Variants in INSC observed in about 807,000 individuals in gnomAD.
The protein encoded by INSC is INSC spindle orientation adaptor protein.
A neutral mutation model predicts 58.6 loss-of-function variants in INSC; 67 were observed. That is an observed-to-expected ratio of 1.14 (90% CI 0.94 to 1.40). The LOEUF is 1.40. INSC is among the 40% of genes most tolerant of loss of function. The pLI is 0.00. For missense variants in INSC, 714 were observed against 692.0 expected (o/e 1.03, Z -0.36); for synonymous variants, 262 against 276.1 (o/e 0.95, Z 0.51).
Position 15,225,154 on chromosome 11 carries a change from C to T in INSC, c.992-496C>T, listed in dbSNP as rs116720889. Among the ~76,000 whole-genome samples the T allele has an allele frequency of 9.3e-3, 1,415 of 152,290 alleles. 20 individuals carry two copies. The highest frequency in any genetic ancestry group is 0.032 in the African/African-American group (1,348 of 41,548). Reference sequence around the variant, plus strand: ...TTTTTATGACTGGCCCCTTTCTTCCCTTAAGGTCTCAGCTGTAAAGTCACA... The same window carrying T: ...TTTTTATGACTGGCCCCTTTCTTCCTTTAAGGTCTCAGCTGTAAAGTCACA... On this transcript the variant is annotated intron_variant, in intron 8 of 12. Transcript: ENST00000379556.
chr11:15,151,504 G>A (rs1028960139), intron 2 of INSC, among the ~76,000 whole-genome samples: 1 of 152,160 alleles, frequency 6.6e-6, no homozygotes, highest in Non-Finnish European at 1.5e-5. Flanking sequence ...GGAAGTGAAG[G>A]GGGTCAGAGA....
At chr11:15,173,421 G>C (rs1849468001) in intron 2 of INSC, among the ~76,000 whole-genome samples, 1 of 152,156 alleles carries the variant, frequency 6.6e-6, no homozygotes, top group Non-Finnish European at 1.5e-5. Flanking sequence ...GAGATTGGAA[G>C]GGGTGGGCAA....
chr11:15,142,905 C>T (rs750154226), intron 1 of INSC, among the ~76,000 whole-genome samples: 3 of 151,804 alleles, frequency 2.0e-5, no homozygotes, highest in Non-Finnish European at 2.9e-5. Flanking sequence ...TGGTGTAGAG[C>T]GCTTTCAACG....
rs1851430233 is a variant in INSC at position 15,221,333 on chromosome 11, G to A, written c.820-144G>A. On this transcript the variant is annotated intron_variant, in intron 7 of 12. Coordinates refer to ENST00000379556, the MANE Select transcript of INSC (RefSeq NM_001042536.3). ...GGGCCTTATCACTGGATTGTCCCTG[G>A]TTCCACATGGGGTCCTGGGCTGTTC... The A allele has an allele frequency of 4.4e-6, 4 of 904,626 alleles. No individual in the cohort carries two copies. In the Admixed American group the frequency reaches 7.8e-5, roughly 18 times the overall value. 56.0% of individuals were successfully genotyped at this position (904,626 alleles called of 1,614,324 possible). A position where few individuals can be genotyped will look rare whatever the true frequency, so the allele number is the denominator to read the frequency against.
intron 1 of INSC, among the ~76,000 whole-genome samples, chr11:15,139,253 G>A (rs754856685): frequency 6.6e-6 from 1 of 152,102 alleles, no homozygotes; most frequent in Non-Finnish European, 1.5e-5. Flanking sequence ...TTCTCTAATG[G>A]CCTTTATCTG....
chr11:15,153,831 G>A (rs1848725942), intron 2 of INSC, among the ~76,000 whole-genome samples: 1 of 152,152 alleles, frequency 6.6e-6, no homozygotes, highest in Non-Finnish European at 1.5e-5. Context: ...GCCCGGAGAG[G>A]GGAATGTAAC....
intron 9 of INSC, 113 bp from the exon 10 acceptor site, chr11:15,235,489 A>C: frequency 5.0e-6 from 4 of 806,544 alleles, no homozygotes; most frequent in Non-Finnish European, 8.9e-6. Context: ...GGTGGACAGG[A>C]AGGAGTCACG....
the INSC span, among the ~76,000 whole-genome samples, chr11:15,258,398 C>T: frequency 6.6e-6 from 1 of 152,124 alleles, no homozygotes; most frequent in South Asian, 2.1e-4. Context: ...TTAGAAACAG[C>T]CACTTTATTC....
Position 15,238,559 on chromosome 11 carries a change from G to C in INSC, c.1238-360G>C, listed in dbSNP as rs544550222. On this transcript the variant is annotated intron_variant, in intron 10 of 12. Transcript: ENST00000379556. The stretch of plus-strand genomic sequence containing the variant: ...GGGCAAGATACTTCACTTCTTTCTG[G>C]GCTTCAAAATGGAATTGTAATGGTA... Among the ~76,000 whole-genome samples, 6 of 152,186 alleles carry C rather than the reference G, an allele frequency of 3.9e-5. No homozygotes were observed. The South Asian group carries it at 8.3e-4, about 21-fold the overall frequency.
the INSC span, among the ~76,000 whole-genome samples, chr11:15,258,768 G>C: frequency 6.6e-6 from 1 of 152,174 alleles, no homozygotes; most frequent in African/African-American, 2.4e-5. Context: ...AGCATGCTGA[G>C]ATATGCAACT....
At chr11:15,147,270 C>G (rs1848516786) in intron 1 of INSC, among the ~76,000 whole-genome samples, 1 of 152,104 alleles carries the variant, frequency 6.6e-6, no homozygotes, top group Non-Finnish European at 1.5e-5. Flanking sequence ...CAAAAATATA[C>G]CTTCTCAATA....
intron 1 of INSC, among the ~76,000 whole-genome samples, chr11:15,138,363 C>A (rs894100574): frequency 6.6e-6 from 1 of 152,030 alleles, no homozygotes; most frequent in Non-Finnish European, 1.5e-5. Context: ...TTGTCCCAAA[C>A]CTTCAATTTG....
At chr11:15,152,412 AC>A (rs1848683126) in intron 2 of INSC, among the ~76,000 whole-genome samples, 1 of 152,214 alleles carries the variant, frequency 6.6e-6, no homozygotes. Flanking sequence ...GGCTGCTCCA[AC>A]ACTTTAGGTT....
At chr11:15,266,007 C>A in the INSC span, among the ~76,000 whole-genome samples, 1 of 151,658 alleles carries the variant, frequency 6.6e-6, no homozygotes, top group African/African-American at 2.4e-5. Context: ...CTCATAGTGA[C>A]AAAGTCCATT....
rs144746690 is a variant in INSC, at chr11:15,199,237, T to C, written c.694-1587T>C. The stretch of plus-strand genomic sequence containing the variant: ...GAATGAATGTACTAGCCCTAAGTTA[T>C]GCCCTTTCACACCAAAAGAAATGAG... On this transcript the variant is annotated intron_variant, in intron 6 of 12. Coordinates refer to ENST00000379556, the MANE Select transcript of INSC (RefSeq NM_001042536.3). Among the ~76,000 whole-genome samples, 103 of 152,316 alleles carry C rather than the reference T, an allele frequency of 6.8e-4. 4 individuals are homozygous for C. In the East Asian group the frequency reaches 0.013, roughly 19 times the overall value.
intron 2 of INSC, among the ~76,000 whole-genome samples, chr11:15,164,218 A>T (rs1849117206): frequency 6.6e-6 from 1 of 152,186 alleles, no homozygotes; most frequent in African/African-American, 2.4e-5. Flanking sequence ...TATATATGGG[A>T]TGAGACTACA....
chr11:15,256,484 T>C, the INSC span, among the ~76,000 whole-genome samples: 179 of 140,496 alleles, frequency 1.3e-3, no homozygotes, highest in South Asian at 3.6e-3. Flanking sequence ...GGAGAAAATT[T>C]CATTTCATTT....
At chr11:15,141,419 C>A (rs901684859) in intron 1 of INSC, among the ~76,000 whole-genome samples, 5 of 152,176 alleles carry the variant, frequency 3.3e-5, no homozygotes, top group Non-Finnish European at 5.9e-5. Context: ...TCGTTCTGGG[C>A]TATCCAGCCA....
the INSC span, among the ~76,000 whole-genome samples, chr11:15,253,497 TG>T: frequency 6.6e-6 from 1 of 152,150 alleles, no homozygotes; most frequent in Non-Finnish European, 1.5e-5. Flanking sequence ...GCTATCTTTT[TG>T]TAACACCCAC....
Sources: gnomAD v4.1 joint callset for allele counts (sites outside exome capture counted in the v4.1 genomes callset) on GRCh38, gnomAD v4.1.1 for gene constraint, MANE v1.5 for transcripts, NCBI Gene and HGNC (gene_info 2026-07-23, HGNC 2026-07-21) for gene names.